The following GPR158 variants were observed in gnomAD, a reference collection of about 807,000 sequenced individuals.
The protein encoded by GPR158 is metabotropic glycine receptor.
GPR158 carries 30 observed loss-of-function variants against 78.2 expected under a neutral mutation model. The ratio of observed to expected loss-of-function variants is 0.38; its 90% CI spans 0.29 to 0.52. The LOEUF is 0.52. GPR158 is among the 20% of genes least tolerant of loss of function. The pLI is 0.83. For missense variants in GPR158, 1,463 were observed against 1,523.5 expected (o/e 0.96, Z 0.66); for synonymous variants, 581 against 591.1 (o/e 0.98, Z 0.25).
At chr10:25,416,704 A>G (rs1230286073) in intron 4 of GPR158, among the ~76,000 whole-genome samples, 1 of 152,174 alleles carries the variant, frequency 6.6e-6, no homozygotes, top group Non-Finnish European at 1.5e-5. Context: ...AACAGTTCAG[A>G]ACTAGAATGG....
chr10:25,274,219 A>G (rs1323923273), intron 2 of GPR158, among the ~76,000 whole-genome samples: 1 of 152,154 alleles, frequency 6.6e-6, no homozygotes, highest in Admixed American at 6.5e-5. Flanking sequence ...TCTTTAGGTG[A>G]TATTCATTTT....
At chr10:25,422,500 T>C (rs1448674183) in intron 4 of GPR158, among the ~76,000 whole-genome samples, 1 of 152,122 alleles carries the variant, frequency 6.6e-6, no homozygotes, top group African/African-American at 2.4e-5. Context: ...GGAAAAATTA[T>C]CTTCCACGAA....
chr10:25,268,044 C>G (rs965589445), intron 2 of GPR158, among the ~76,000 whole-genome samples: 4 of 152,006 alleles, frequency 2.6e-5, no homozygotes, highest in African/African-American at 9.7e-5. Flanking sequence ...ACTGACCACA[C>G]AAGTCTTTTT....
chr10:25,253,160 C>T (rs1021595693), intron 2 of GPR158, among the ~76,000 whole-genome samples: 2 of 152,246 alleles, frequency 1.3e-5, no homozygotes, highest in African/African-American at 2.4e-5. Flanking sequence ...CAATGCCTCG[C>T]CCTGCTTCGG....
At chr10:25,260,029 ATTTAT>A (rs1293934798) in intron 2 of GPR158, among the ~76,000 whole-genome samples, 1 of 152,102 alleles carries the variant, frequency 6.6e-6, no homozygotes, top group Admixed American at 6.6e-5. Flanking sequence ...ATTATTTAAA[ATTTAT>A]TTTATTCCAC....
chr10:25,551,035 T>C lies in GPR158; in HGVS notation c.1464T>C (p.Arg488=), dbSNP rs1836719119. ...TFRCILLRWA[R]LLGFATVYGT... Reference sequence around the variant, plus strand: ...GCTGTATTCTCCTAAGATGGGCTCGTCTTCTCGGTTTTGCTACTGTTTACG... The same window carrying C: ...GCTGTATTCTCCTAAGATGGGCTCGCCTTCTCGGTTTTGCTACTGTTTACG... Residue 488 remains arginine, a synonymous_variant, in exon 6 of 11, where the codon CGT becomes CGC. Coordinates refer to ENST00000376351, the MANE Select transcript of GPR158 (RefSeq NM_020752.3). 1.9e-6 allele frequency: 3 copies of C among 1,611,160 alleles called. No individual in the cohort carries two copies. Among genetic ancestry groups the C allele is most frequent in the Non-Finnish European group, 2.5e-6 (3 of 1,177,566 alleles).
At chr10:25,559,815 TAC>T (rs1185616367) in intron 6 of GPR158, among the ~76,000 whole-genome samples, 1 of 152,244 alleles carries the variant, frequency 6.6e-6, no homozygotes, top group African/African-American at 2.4e-5. Context: ...GACCATGTAT[TAC>T]AGTTTTAATG....
intron 2 of GPR158, among the ~76,000 whole-genome samples, chr10:25,386,922 A>G (rs1465594485): frequency 9.2e-5 from 14 of 152,164 alleles, no homozygotes; most frequent in Non-Finnish European, 1.9e-4. Flanking sequence ...ATCTGTGAAC[A>G]AAGATAATTT....
intron 2 of GPR158, among the ~76,000 whole-genome samples, chr10:25,372,615 AC>A (rs1417582593): frequency 1.4e-5 from 2 of 145,830 alleles, no homozygotes; most frequent in East Asian, 4.1e-4. Flanking sequence ...AGAACAAAAA[AC>A]CAAACACCGC....
intron 7 of GPR158, 84 bp downstream of exon 7, chr10:25,572,971 C>T (rs529919092): frequency 2.4e-6 from 2 of 836,696 alleles, no homozygotes; most frequent in Middle Eastern, 2.2e-4. Flanking sequence ...TTGCCAGACT[C>T]TTTAGTAAAG....
intron 1 of GPR158, among the ~76,000 whole-genome samples, chr10:25,191,344 C>G (rs760952358): frequency 4.6e-5 from 7 of 152,038 alleles, no homozygotes; most frequent in African/African-American, 7.2e-5. Flanking sequence ...ATAACAGACA[C>G]GAAGAAAAAG....
At chr10:25,248,780 A>G (rs1853743643) in intron 2 of GPR158, among the ~76,000 whole-genome samples, 1 of 150,496 alleles carries the variant, frequency 6.6e-6, no homozygotes, top group African/African-American at 2.4e-5. Flanking sequence ...TTGGCTTAGG[A>G]TTGACTTGGC....
intron 4 of GPR158, among the ~76,000 whole-genome samples, chr10:25,427,441 G>GTT (rs1024731971): frequency 6.6e-5 from 10 of 152,134 alleles, no homozygotes; most frequent in African/African-American, 1.9e-4. Context: ...CAGAGAATAT[G>GTT]TTTTTTTCAG....
At chr10:25,236,403 G>C (rs539118748) in intron 2 of GPR158, among the ~76,000 whole-genome samples, 2 of 152,300 alleles carry the variant, frequency 1.3e-5, no homozygotes, top group African/African-American at 2.4e-5. Context: ...AGCTACTCGG[G>C]AGGCTGAGGC....
rs1013382605 is a variant in GPR158, at chr10:25,175,137, A to G, written c.-284A>G. ...CTCCAGCCGCTGGGAGCGCGAGGCC[A>G]TGTAACCCGCTCGGCTCCAGGCTGC... is the stretch of plus-strand genomic sequence containing the variant. On this transcript the variant is annotated 5_prime_UTR_variant, in exon 1 of 11. The change abolishes an upstream ATG in the 5' untranslated region. Coordinates refer to ENST00000376351, the MANE Select transcript of GPR158 (RefSeq NM_020752.3). This position sits in a 1 kb window ranked among gnomAD's most constrained non-coding sequence, Gnocchi z 6.4. The G allele has an allele frequency of 3.0e-5, 10 of 335,728 alleles. No individual in the cohort carries two copies. Among genetic ancestry groups the G allele is most frequent in the African/African-American group, 6.4e-5 (3 of 46,806 alleles). The allele number at this position is 335,728 out of a possible 1,614,324, so 20.8% of individuals were successfully genotyped here.
intron 2 of GPR158, among the ~76,000 whole-genome samples, chr10:25,349,977 G>A (rs145607576): frequency 1.6e-4 from 25 of 152,088 alleles, no homozygotes; most frequent in African/African-American, 5.3e-4. Context: ...AATGTATCTG[G>A]TGTGCTTTCT....
intron 5 of GPR158, chr10:25,475,875 C>G (rs761693706): frequency 4.6e-5 from 7 of 152,110 alleles, no homozygotes; most frequent in Non-Finnish European, 7.4e-5. Context: ...TGGATATTCA[C>G]TGTTCTTCTG....
chr10:25,212,438 C>T (rs574644574), intron 1 of GPR158, among the ~76,000 whole-genome samples: 33 of 152,214 alleles, frequency 2.2e-4, no homozygotes, highest in African/African-American at 7.9e-4. Context: ...TCCGATCACC[C>T]CCCACCAGGC....
chr10:25,237,167 A>G (rs576476689), intron 2 of GPR158, among the ~76,000 whole-genome samples: 17 of 152,264 alleles, frequency 1.1e-4, no homozygotes, highest in African/African-American at 3.8e-4. Flanking sequence ...TTCATCACTA[A>G]TTTATCTTAA....
Sources: allele counts gnomAD v4.1 joint callset (sites outside exome capture counted in the v4.1 genomes callset), GRCh38; gene constraint gnomAD v4.1.1; non-coding constraint Gnocchi (gnomAD v3.1); transcripts MANE v1.5; gene names NCBI Gene and HGNC (gene_info 2026-07-23, HGNC 2026-07-21).